Variants in ZBTB8A observed in about 807,000 individuals in gnomAD.
ZBTB8A encodes zinc finger and BTB domain-containing protein 8A.
In ZBTB8A, 19 loss-of-function variants were observed where a neutral mutation model predicts 37.8. That is an observed-to-expected ratio of 0.50 (90% CI 0.35 to 0.74). The LOEUF is 0.74. Ranked by LOEUF, ZBTB8A falls within the 30% of genes least tolerant of loss-of-function variation. The probability of loss-of-function intolerance (pLI) is 0.01; values close to 1 mark genes in which losing one functional copy is unlikely to be tolerated. For missense variants in ZBTB8A, 394 were observed against 537.8 expected, an observed-to-expected ratio of 0.73 and a Z score of 2.65; for synonymous variants, 181 against 185.2, an observed-to-expected ratio of 0.98 and a Z score of 0.19.
intron 1 of ZBTB8A, among the ~76,000 whole-genome samples, chr1:32,549,472 C>T (rs1644133516): frequency 6.8e-6 from 1 of 147,502 alleles, no homozygotes. Flanking sequence ...CCAGCCTGGG[C>T]AACGAGTAAA....
At position 32,601,665 on chromosome 1, in the gene ZBTB8A, T is replaced by C; in HGVS notation, c.*1246T>C. 2.5e-6 allele frequency: 1 copy of C among 398,590 alleles called. No individual in the cohort carries two copies. The highest frequency in any genetic ancestry group is 4.4e-6 in the Non-Finnish European group (1 of 226,044). 24.7% of individuals were successfully genotyped at this position (398,590 alleles called of 1,614,324 possible). On this transcript the variant is annotated 3_prime_UTR_variant, in exon 5 of 5. Transcript: ENST00000373510. ...AGAGAAAACTGATGATTGGACAGGA[T>C]CTGATTTTAAACAATCCTCTTTCAG... is the stretch of plus-strand genomic sequence containing the variant.
In ZBTB8A at chr1:32,601,485, G is replaced by A. The variant is rs1644575677; in HGVS notation, c.*1066G>A. ...GCGAAACTCCGTCTCAAAAAAAAAA[G>A]GAAAACAAACTAGGAGGTTCTTACC... On this transcript the variant is annotated 3_prime_UTR_variant, in exon 5 of 5. Coordinates refer to ENST00000373510, the MANE Select transcript of ZBTB8A (RefSeq NM_001040441.3). 1 of 391,174 alleles carries A rather than the reference G, an allele frequency of 2.6e-6. No individual in the cohort carries two copies. The highest frequency in any genetic ancestry group is 3.6e-5 in the East Asian group (1 of 27,534). 24.2% of individuals were successfully genotyped at this position (391,174 alleles called of 1,614,324 possible). A position where few individuals can be genotyped will look rare whatever the true frequency, so the allele number is the denominator to read the frequency against.
intron 2 of ZBTB8A, among the ~76,000 whole-genome samples, chr1:32,570,384 T>C (rs1353296761): frequency 1.3e-5 from 2 of 152,326 alleles, no homozygotes; most frequent in East Asian, 3.9e-4. Context: ...CAAAATTGTT[T>C]TGGCTATTTT....
At chr1:32,585,398 T>C (rs1644440288) in intron 2 of ZBTB8A, among the ~76,000 whole-genome samples, 1 of 151,888 alleles carries the variant, frequency 6.6e-6, no homozygotes. Context: ...TATACAAATA[T>C]GAATAGTATG....
chr1:32,581,359 T>C lies in ZBTB8A; in HGVS notation c.-1-11572T>C, dbSNP rs570634229. Among the ~76,000 whole-genome samples, 143 of 132,800 alleles carry C rather than the reference T, an allele frequency of 1.1e-3. 1 individual carries two copies. The East Asian group carries it at 0.028, about 26-fold the overall frequency. 87.1% of individuals were successfully genotyped at this position (132,800 alleles called of 152,430 possible). A position where few individuals can be genotyped will look rare whatever the true frequency, so the allele number is the denominator to read the frequency against. ...TATATAAAAATATGTATTATATATATATTTTTTTTGAGATAGAGTTTCCCT... is the reference window on the plus strand; with the variant it reads ...TATATAAAAATATGTATTATATATACATTTTTTTTGAGATAGAGTTTCCCT... On this transcript the variant is annotated intron_variant, in intron 2 of 4. Transcript: ENST00000373510.
chr1:32,581,358 A>G (rs1644405647), intron 2 of ZBTB8A, among the ~76,000 whole-genome samples: 2 of 131,440 alleles, frequency 1.5e-5, no homozygotes, highest in African/African-American at 5.8e-5. Flanking sequence ...TATTATATAT[A>G]TATTTTTTTT....
At chr1:32,587,154 G>A (rs928334129) in intron 2 of ZBTB8A, among the ~76,000 whole-genome samples, 21 of 152,056 alleles carry the variant, frequency 1.4e-4, no homozygotes, top group East Asian at 9.7e-4. Flanking sequence ...TAGGAGAATC[G>A]CTTGAACTCT....
rs1644506824 is a variant in ZBTB8A, at chr1:32,593,582, G to A, written c.651G>A (p.Gln217=). 3 of 1,614,224 alleles carry A rather than the reference G, an allele frequency of 1.9e-6. No individual in the cohort carries two copies. Among genetic ancestry groups the A allele is most frequent in the Non-Finnish European group, 2.5e-6 (3 of 1,180,040 alleles). ...AGACCAAACATTTGAGATTGTCACA[G>A]CCTTCTGAAGTTACTCATTATAAGT... ...IKKTKHLRLS[Q]PSEVTHYKSS... is the part of the protein sequence containing the mutation. Residue 217 remains glutamine (Q), a synonymous_variant, in exon 3 of 5, where the codon CAG becomes CAA. Transcript: ENST00000373510.
chr1:32,543,801 C>T lies in ZBTB8A; in HGVS notation c.-84+4229C>T, dbSNP rs142801248. Among the ~76,000 whole-genome samples the T allele has an allele frequency of 4.4e-3, 665 of 152,126 alleles. 34 individuals carry two copies. The East Asian group carries it at 0.12, about 28-fold the overall frequency. ...ACGCCATTCTCCTGCCTCAGCCTCC[C>T]GAGTAGCTGGGATTACAGGCACCTG... On this transcript the variant is annotated intron_variant, in intron 1 of 4. Coordinates refer to ENST00000373510, the MANE Select transcript of ZBTB8A (RefSeq NM_001040441.3).
chr1:32,550,045 T>C (rs1644139259), intron 1 of ZBTB8A, among the ~76,000 whole-genome samples: 2 of 152,254 alleles, frequency 1.3e-5, no homozygotes, highest in South Asian at 4.1e-4. Flanking sequence ...TACTTTTTAG[T>C]TTCCAGAAGG....
chr1:32,595,262 T>C, intron 4 of ZBTB8A, 39 bp downstream of exon 4: 1 of 1,601,668 alleles, frequency 6.2e-7, no homozygotes, highest in Non-Finnish European at 8.5e-7. Flanking sequence ...CTAATTCTTT[T>C]TTGGTTTTTG....
intron 2 of ZBTB8A, among the ~76,000 whole-genome samples, chr1:32,557,185 C>T (rs1307530989): frequency 6.6e-6 from 1 of 151,898 alleles, no homozygotes; most frequent in Non-Finnish European, 1.5e-5. Flanking sequence ...GCCTGTAGTC[C>T]CAGCTACTTG....
chr1:32,564,127 C>T (rs903616734), intron 2 of ZBTB8A, among the ~76,000 whole-genome samples: 3 of 152,182 alleles, frequency 2.0e-5, no homozygotes, highest in Non-Finnish European at 4.4e-5. Flanking sequence ...TGACAGCACT[C>T]AGAAAGGGAC....
intron 2 of ZBTB8A, among the ~76,000 whole-genome samples, chr1:32,578,270 T>G (rs1330004007): frequency 6.7e-6 from 1 of 149,906 alleles, no homozygotes; most frequent in Non-Finnish European, 1.5e-5. Context: ...AGAGATGGGA[T>G]TTTGCCATGT....
rs552499210 is a variant in ZBTB8A at position 32,561,675 on chromosome 1, G to A, written c.-2+8135G>A. Among the ~76,000 whole-genome samples the A allele has an allele frequency of 2.5e-4, 38 of 152,140 alleles. 1 individual carries two copies. Among genetic ancestry groups the A allele is most frequent in the African/African-American group, 8.9e-4 (37 of 41,522 alleles). On this transcript the variant is annotated intron_variant, in intron 2 of 4. Transcript: ENST00000373510. ...GCCTCCCAAAGTGCTAGGATTACAG[G>A]TGTGAGCCACCTCACCCAGCCCCTG...
At chr1:32,541,216 C>T (rs944580063) in intron 1 of ZBTB8A, among the ~76,000 whole-genome samples, 1 of 152,182 alleles carries the variant, frequency 6.6e-6, no homozygotes, top group East Asian at 1.9e-4. Flanking sequence ...CCCCATCTTA[C>T]GCAGTTTAAA....
chr1:32,577,138 T>A (rs1040739008), intron 2 of ZBTB8A, among the ~76,000 whole-genome samples: 2 of 152,008 alleles, frequency 1.3e-5, no homozygotes, highest in African/African-American at 4.8e-5. Flanking sequence ...CCTCCCAAAG[T>A]GCTGGGATTA....
intron 2 of ZBTB8A, among the ~76,000 whole-genome samples, chr1:32,562,209 G>A (rs1227897180): frequency 6.6e-6 from 1 of 150,962 alleles, no homozygotes; most frequent in Non-Finnish European, 1.5e-5. Flanking sequence ...TTCTACCTCA[G>A]TCTCCTAAAG....
At chr1:32,597,864 C>T (rs555353628) in intron 4 of ZBTB8A, among the ~76,000 whole-genome samples, 2 of 152,118 alleles carry the variant, frequency 1.3e-5, no homozygotes, top group African/African-American at 4.8e-5. Context: ...ATTCTCCTGC[C>T]TTGGCCTCCC....
Sources: allele counts gnomAD v4.1 joint callset (sites outside exome capture counted in the v4.1 genomes callset), GRCh38; gene constraint gnomAD v4.1.1; transcripts MANE v1.5; gene names NCBI Gene and HGNC (gene_info 2026-07-23, HGNC 2026-07-21).